KPNA6: variants seen among roughly 807,000 people sequenced by gnomAD.
KPNA6 encodes karyopherin subunit alpha 6.
In KPNA6, 9 loss-of-function variants were observed where a neutral mutation model predicts 72.0. That is an observed-to-expected ratio of 0.13 (90% confidence interval 0.08 to 0.22). The LOEUF is 0.22. Among genes scored for constraint, KPNA6 ranks in the 10% least tolerant of loss-of-function variants. The probability of loss-of-function intolerance (pLI) is 1.00; values close to 1 mark genes in which losing one functional copy is unlikely to be tolerated. For missense variants in KPNA6, 374 were observed against 655.7 expected (o/e 0.57, Z 4.69); for synonymous variants, 219 against 242.1 (o/e 0.90, Z 0.89).
At chr1:32,141,652 C>G (rs1641840649) in intron 1 of KPNA6, among the ~76,000 whole-genome samples, 1 of 151,990 alleles carries the variant, frequency 6.6e-6, no homozygotes, top group Non-Finnish European at 1.5e-5. Flanking sequence ...CCGCCTCAGC[C>G]TCCCAAAGTG....
chr1:32,122,085 C>T (rs1641443077), intron 1 of KPNA6, among the ~76,000 whole-genome samples: 1 of 151,728 alleles, frequency 6.6e-6, no homozygotes, highest in African/African-American at 2.4e-5. Flanking sequence ...AGCAGCCTGG[C>T]CAACATGGTG....
At chr1:32,124,581 A>G (rs1029926122) in intron 1 of KPNA6, among the ~76,000 whole-genome samples, 2 of 147,158 alleles carry the variant, frequency 1.4e-5, no homozygotes, top group Non-Finnish European at 3.0e-5. Context: ...ATCTCGGCTC[A>G]CTGCAACCTC....
chr1:32,136,568 T>G (rs1570023681), intron 1 of KPNA6, among the ~76,000 whole-genome samples: 1 of 152,154 alleles, frequency 6.6e-6, no homozygotes, highest in Non-Finnish European at 1.5e-5. Flanking sequence ...CCTTAGTAAT[T>G]AGAGCTGTGT....
chr1:32,128,590 C>G (rs1370313872), intron 1 of KPNA6, among the ~76,000 whole-genome samples: 1 of 151,394 alleles, frequency 6.6e-6, no homozygotes. Context: ...ACTGTTCAGC[C>G]CAGTTCAGTG....
At chr1:32,112,249 A>G (rs540817980) in intron 1 of KPNA6, among the ~76,000 whole-genome samples, 2 of 152,312 alleles carry the variant, frequency 1.3e-5, no homozygotes, top group African/African-American at 4.8e-5. Context: ...GAGATGGGAA[A>G]GCTATAATAA....
chr1:32,118,644 T>C (rs891893878), intron 1 of KPNA6, among the ~76,000 whole-genome samples: 3 of 151,566 alleles, frequency 2.0e-5, no homozygotes, highest in African/African-American at 7.3e-5. Context: ...AAAAAAAAAT[T>C]AGTTGGGCGT....
chr1:32,123,297 A>G (rs1641470534), intron 1 of KPNA6, among the ~76,000 whole-genome samples: 1 of 152,116 alleles, frequency 6.6e-6, no homozygotes, highest in African/African-American at 2.4e-5. Context: ...CTTCCTAAGG[A>G]AACTTTTTAG....
chr1:32,136,760 AAGC>A (rs1467749093), intron 1 of KPNA6, among the ~76,000 whole-genome samples: 3 of 152,230 alleles, frequency 2.0e-5, no homozygotes, highest in African/African-American at 7.2e-5. Context: ...TATATGGAAT[AAGC>A]AGAATGAGAT....
intron 1 of KPNA6, among the ~76,000 whole-genome samples, chr1:32,109,476 T>TTTTTG (rs1641205832): frequency 6.6e-6 from 1 of 151,802 alleles, no homozygotes; most frequent in Admixed American, 6.6e-5. Context: ...CCAGCCTGTT[T>TTTTTG]TTTTGTTTTG....
rs1642357499 is a variant in KPNA6 at position 32,167,285 on chromosome 1, T to C, written c.1233T>C (p.Pro411=). Residue 411 remains proline, a synonymous_variant, in exon 12 of 14, where the codon CCT becomes CCC. Transcript: ENST00000373625. The part of the protein sequence containing the change: ...AITNATSGGT[P]EQIRYLVSLG... The stretch of plus-strand genomic sequence containing the variant: ...CCAATGCCACATCAGGAGGAACCCC[T>C]GAGCAGATCAGGTATTACATTCCTT... The C allele has an allele frequency of 6.2e-7, 1 of 1,613,986 alleles. No homozygotes were observed. The highest frequency in any genetic ancestry group is 1.3e-5 in the African/African-American group (1 of 74,942).
intron 4 of KPNA6, among the ~76,000 whole-genome samples, 165 bp from the exon 5 acceptor site, chr1:32,158,102 A>G (rs1642174915): frequency 6.6e-6 from 1 of 152,220 alleles, no homozygotes; most frequent in Non-Finnish European, 1.5e-5. Context: ...TGTATTATAC[A>G]GTTCAAAGAC....
chr1:32,120,930 G>A (rs1462677808), intron 1 of KPNA6, among the ~76,000 whole-genome samples: 1 of 150,474 alleles, frequency 6.6e-6, no homozygotes, highest in African/African-American at 2.5e-5. Flanking sequence ...GAGCAGTGGC[G>A]CGATCACAGC....
In KPNA6 at chr1:32,162,505, A is replaced by G; in HGVS notation, c.892A>G (p.Arg298Gly). Reference sequence around the variant, plus strand: ...AGTCATAGACTCCGGAGTCTGCCGGAGATTGGTAGAGCTGCTGATGTGAGT... The same window carrying G: ...AGTCATAGACTCCGGAGTCTGCCGGGGATTGGTAGAGCTGCTGATGTGAGT... ...QAVIDSGVCR[R>G]LVELLMHNDY... The change falls in exon 9 of 14, where the codon AGA (arginine) becomes GGA (glycine). Residue 298 changes from arginine to glycine, a missense_variant. Arg to Gly is a moderately radical substitution (Grantham distance 125). Coordinates refer to ENST00000373625, the MANE Select transcript of KPNA6 (RefSeq NM_012316.5). The G allele has an allele frequency of 6.2e-7, 1 of 1,613,822 alleles. No individual in the cohort carries two copies. Among genetic ancestry groups the G allele is most frequent in the Non-Finnish European group, 8.5e-7 (1 of 1,180,012 alleles).
intron 1 of KPNA6, among the ~76,000 whole-genome samples, chr1:32,136,970 AGAG>A (rs754677719): frequency 7.9e-5 from 12 of 152,224 alleles, no homozygotes; most frequent in African/African-American, 1.2e-4. Context: ...AATGAGTAGT[AGAG>A]GAGAAAACAA....
Position 32,159,380 on chromosome 1 carries a change from T to C in KPNA6, c.427-20T>C, listed in dbSNP as rs778334001. The C allele has an allele frequency of 1.2e-6, 2 of 1,613,214 alleles. No homozygotes were observed. Among genetic ancestry groups the C allele is most frequent in the Non-Finnish European group, 1.7e-6 (2 of 1,179,510 alleles). ...TCAGTCTGAAATGACCTTTCAATCA[T>C]TGCTTAATCTCACTTTCAGTTTGAA... On this transcript the variant is annotated intron_variant, in intron 5 of 13. Transcript: ENST00000373625.
At chr1:32,111,477 C>T (rs1641242965) in intron 1 of KPNA6, among the ~76,000 whole-genome samples, 1 of 152,208 alleles carries the variant, frequency 6.6e-6, no homozygotes, top group African/African-American at 2.4e-5. Context: ...ACCTCTCCCT[C>T]ATCGTAGCTT....
At chr1:32,170,283 G>T (rs755032671) in intron 13 of KPNA6, among the ~76,000 whole-genome samples, 1 of 152,216 alleles carries the variant, frequency 6.6e-6, no homozygotes, top group Non-Finnish European at 1.5e-5. Flanking sequence ...GTGCTGAGTA[G>T]CTGGGGTACA....
intron 1 of KPNA6, among the ~76,000 whole-genome samples, chr1:32,114,255 T>TGTG (rs997681666): frequency 6.6e-6 from 1 of 151,810 alleles, no homozygotes; most frequent in African/African-American, 2.4e-5. Context: ...GCCTGGCCAA[T>TGTG]GTGGTGAAAC....
At position 32,171,866 on chromosome 1, in the gene KPNA6, TC is replaced by T. The variant is rs1466205886; in HGVS notation, c.*974del. 1 of 152,150 alleles carries T rather than the reference TC, an allele frequency of 6.6e-6. No individual in the cohort carries two copies. Among genetic ancestry groups the T allele is most frequent in the African/African-American group, 2.4e-5 (1 of 41,428 alleles). 9.4% of individuals were successfully genotyped at this position (152,150 alleles called of 1,614,324 possible). A position where few individuals can be genotyped will look rare whatever the true frequency, so the allele number is the denominator to read the frequency against. The stretch of plus-strand genomic sequence containing the variant: ...GCTTGAGATAGGGGGCTGTGGTCCT[TC>T]CTTTCTCCTGAGGAGAAAGTCCTTG... On this transcript the variant is annotated 3_prime_UTR_variant, in exon 14 of 14. Transcript: ENST00000373625.
Sources: gnomAD v4.1 joint callset for allele counts (sites outside exome capture counted in the v4.1 genomes callset) on GRCh38, gnomAD v4.1.1 for gene constraint, MANE v1.5 for transcripts, NCBI Gene and HGNC (gene_info 2026-07-23, HGNC 2026-07-21) for gene names.